Variants in THRAP3 observed in about 807,000 individuals in gnomAD.
THRAP3 encodes the protein thyroid hormone receptor-associated protein 3.
Under a neutral mutation model 101.0 loss-of-function variants are expected in THRAP3, and 16 were observed. The observed-to-expected ratio is 0.16, with a 90% CI of 0.11 to 0.24. The LOEUF (loss-of-function observed/expected upper bound fraction) is 0.24, where lower values mean the gene tolerates loss of function less well. Among genes scored for constraint, THRAP3 ranks in the 10% least tolerant of loss-of-function variants. The pLI, the probability that THRAP3 is intolerant of heterozygous loss-of-function variation, is 1.00. For synonymous variants in THRAP3, 407 were observed against 422.6 expected (o/e 0.96, Z 0.45); for missense variants, 989 against 1,202.7 (o/e 0.82, Z 2.63).
intron 1 of THRAP3, among the ~76,000 whole-genome samples, chr1:36,227,759 A>G (rs1033216858): frequency 7.2e-5 from 11 of 152,314 alleles, no homozygotes; most frequent in African/African-American, 2.6e-4. Flanking sequence ...ATTGGAGGGT[A>G]AGTAGGTTTA....
chr1:36,284,598 T>A (rs1434684290), intron 3 of THRAP3, among the ~76,000 whole-genome samples: 1 of 152,252 alleles, frequency 6.6e-6, no homozygotes, highest in Non-Finnish European at 1.5e-5. Flanking sequence ...AAATTGATTA[T>A]TTCCTTGTAT....
chr1:36,264,960 A>G (rs1350545922), intron 2 of THRAP3, among the ~76,000 whole-genome samples: 3 of 152,118 alleles, frequency 2.0e-5, no homozygotes, highest in Non-Finnish European at 4.4e-5. Context: ...GATCTGTTCC[A>G]GGCCCCTCTC....
intron 2 of THRAP3, among the ~76,000 whole-genome samples, chr1:36,261,603 A>G (rs1645446765): frequency 6.6e-6 from 1 of 152,210 alleles, no homozygotes; most frequent in Admixed American, 6.5e-5. Context: ...TCCAAAAGGA[A>G]ATCCCAGAGA....
At chr1:36,233,619 T>G (rs1400970188) in intron 1 of THRAP3, among the ~76,000 whole-genome samples, 4 of 150,958 alleles carry the variant, frequency 2.6e-5, no homozygotes, top group Non-Finnish European at 5.9e-5. Flanking sequence ...AATAAAAAAT[T>G]AGCCGGTGTG....
At chr1:36,250,288 A>G (rs974388574) in intron 1 of THRAP3, among the ~76,000 whole-genome samples, 1 of 148,648 alleles carries the variant, frequency 6.7e-6, no homozygotes, top group African/African-American at 2.5e-5. Context: ...ATCTCAGCTC[A>G]CTGCAACCTC....
intron 1 of THRAP3, among the ~76,000 whole-genome samples, chr1:36,249,685 A>AGTGTGTATGT (rs1645274219): frequency 7.2e-6 from 1 of 138,114 alleles, no homozygotes; most frequent in Admixed American, 7.4e-5. Flanking sequence ...GCAGGTGGTG[A>AGTGTGTATGT]GTGTGTGTGT....
intron 1 of THRAP3, among the ~76,000 whole-genome samples, chr1:36,238,571 G>T (rs1443709829): frequency 6.6e-6 from 1 of 152,130 alleles, no homozygotes; most frequent in African/African-American, 2.4e-5. Context: ...TGGGGCTATG[G>T]TAGGCAGATC....
chr1:36,271,161 G>T (rs1645585893), intron 2 of THRAP3, among the ~76,000 whole-genome samples: 1 of 152,182 alleles, frequency 6.6e-6, no homozygotes, highest in African/African-American at 2.4e-5. Context: ...TTATATGTAT[G>T]TCTGTAACTA....
chr1:36,223,729 C>A (rs1463478360), upstream of THRAP3, among the ~76,000 whole-genome samples: 1 of 152,134 alleles, frequency 6.6e-6, no homozygotes, highest in African/African-American at 2.4e-5. Flanking sequence ...CCCAGTAGCA[C>A]CCATTTTAAC....
intron 1 of THRAP3, among the ~76,000 whole-genome samples, chr1:36,252,129 A>G (rs1436709059): frequency 6.6e-6 from 1 of 152,012 alleles, no homozygotes; most frequent in Non-Finnish European, 1.5e-5. Context: ...TTTTATTTTT[A>G]TTTATTTATT....
the THRAP3 span, among the ~76,000 whole-genome samples, chr1:36,216,033 G>A: frequency 2.0e-5 from 3 of 151,886 alleles, no homozygotes; most frequent in Non-Finnish European, 4.4e-5. Context: ...ACAGGCATAA[G>A]CCACAGCGCC....
chr1:36,208,701 T>C, the THRAP3 span, among the ~76,000 whole-genome samples: 1 of 152,148 alleles, frequency 6.6e-6, no homozygotes, highest in Non-Finnish European at 1.5e-5. Context: ...AGTCTCGCTC[T>C]TTTACCCCAG....
intron 1 of THRAP3, among the ~76,000 whole-genome samples, chr1:36,247,540 G>C (rs372028003): frequency 6.6e-6 from 1 of 151,912 alleles, no homozygotes; most frequent in Non-Finnish European, 1.5e-5. Flanking sequence ...TGGCCAAGCT[G>C]GTTTTGAACT....
chr1:36,269,510 G>C (rs1645561394), intron 2 of THRAP3, among the ~76,000 whole-genome samples: 3 of 152,116 alleles, frequency 2.0e-5, no homozygotes, highest in Non-Finnish European at 4.4e-5. Context: ...TTGTACTTTG[G>C]AGTTTACTTT....
At chr1:36,279,570 T>C (rs1249354446) in intron 2 of THRAP3, among the ~76,000 whole-genome samples, 1 of 152,218 alleles carries the variant, frequency 6.6e-6, no homozygotes, top group East Asian at 1.9e-4. Context: ...AATTGAAATA[T>C]CTTTGACCTT....
chr1:36,253,686 T>G (rs967307376), intron 1 of THRAP3, among the ~76,000 whole-genome samples: 6 of 151,742 alleles, frequency 4.0e-5, no homozygotes, highest in Admixed American at 3.3e-4. Flanking sequence ...TTCAAGCTCC[T>G]GGGCTTAAGC....
the THRAP3 span, among the ~76,000 whole-genome samples, chr1:36,218,666 G>A: frequency 6.6e-6 from 1 of 151,720 alleles, no homozygotes; most frequent in Non-Finnish European, 1.5e-5. Context: ...AGCTTGCAGT[G>A]AGCCGAGATT....
the THRAP3 span, among the ~76,000 whole-genome samples, chr1:36,217,355 T>C: frequency 6.6e-6 from 1 of 152,034 alleles, no homozygotes; most frequent in Non-Finnish European, 1.5e-5. Context: ...GCTACCTGAG[T>C]ATGCCAGGTC....
intron 9 of THRAP3, among the ~76,000 whole-genome samples, 172 bp from the exon 10 acceptor site, chr1:36,300,714 G>A (rs571866500): frequency 1.3e-5 from 2 of 152,274 alleles, no homozygotes; most frequent in South Asian, 4.1e-4. Context: ...GAATTGAGAG[G>A]AAGTATCTTG....
Sources: allele counts gnomAD v4.1 joint callset (sites outside exome capture counted in the v4.1 genomes callset), GRCh38; gene constraint gnomAD v4.1.1; transcripts MANE v1.5; gene names NCBI Gene and HGNC (gene_info 2026-07-23, HGNC 2026-07-21).